Variants in SUMO2 observed in about 807,000 individuals in gnomAD.
The protein encoded by SUMO2 is small ubiquitin like modifier 2.
SUMO2 carries 1 observed loss-of-function variant against 16.0 expected under a neutral mutation model. The ratio of observed to expected loss-of-function variants is 0.06; its 90% CI spans 0.02 to 0.30. SUMO2 has a LOEUF of 0.30. Ranked by LOEUF, SUMO2 falls within the 10% of genes least tolerant of loss-of-function variation. The probability of loss-of-function intolerance (pLI) is 1.00; values close to 1 mark genes in which losing one functional copy is unlikely to be tolerated. For missense variants in SUMO2, 16 were observed against 117.5 expected (o/e 0.14, Z 3.99); for synonymous variants, 36 against 40.6 (o/e 0.89, Z 0.43).
chr17:75,180,916 G>A, intron 2 of SUMO2, 141 bp downstream of exon 2: 1 of 893,002 alleles, frequency 1.1e-6, no homozygotes, highest in Non-Finnish European at 1.7e-6. Context: ...TATACCAAGT[G>A]CACGACAAAA....
chr17:75,177,011 C>T (rs1391045139), intron 2 of SUMO2, among the ~76,000 whole-genome samples: 4 of 151,652 alleles, frequency 2.6e-5, no homozygotes, highest in Non-Finnish European at 5.9e-5. Context: ...GGTGAAACCC[C>T]GTCTCTACTA....
chr17:75,169,188 C>T (rs2074715801), intron 3 of SUMO2, among the ~76,000 whole-genome samples: 1 of 151,790 alleles, frequency 6.6e-6, no homozygotes, highest in African/African-American at 2.4e-5. Flanking sequence ...ACTGAGACCA[C>T]ACCAGCTCAC....
At chr17:75,175,383 C>T (rs139448595) in intron 2 of SUMO2, among the ~76,000 whole-genome samples, 28 of 151,864 alleles carry the variant, frequency 1.8e-4, no homozygotes, top group African/African-American at 6.5e-4. Flanking sequence ...GGCAGTGTCG[C>T]GATCTCGGCT....
At chr17:75,181,352 A>C (rs1174014397) in intron 1 of SUMO2, among the ~76,000 whole-genome samples, 164 bp from the exon 2 acceptor site, 1 of 152,172 alleles carries the variant, frequency 6.6e-6, no homozygotes, top group Non-Finnish European at 1.5e-5. Context: ...GTGAAAGCGG[A>C]AAAATCCTGC....
chr17:75,181,049 T>C lies in SUMO2; in HGVS notation c.153+8A>G, dbSNP rs548708649. ...TATTCAGTGGAAGTACACATATGAA[T>C]TCCTCACCTGTCGTTCACAATAGGC... is the stretch of plus-strand genomic sequence containing the variant. On this transcript the variant is annotated splice_region_variant and intron_variant, in intron 2 of 3. Transcript: ENST00000420826. 107 of 1,613,704 alleles carry C rather than the reference T, an allele frequency of 6.6e-5. No individual in the cohort carries two copies. In the Admixed American group the frequency reaches 9.3e-4, roughly 14 times the overall value.
intron 3 of SUMO2, among the ~76,000 whole-genome samples, chr17:75,172,234 C>T (rs2074745599): frequency 6.6e-6 from 1 of 151,540 alleles, no homozygotes; most frequent in Non-Finnish European, 1.5e-5. Context: ...CCATGTTGGC[C>T]AGGCTGGTCT....
At chr17:75,174,304 T>C (rs1460190844) in intron 3 of SUMO2, among the ~76,000 whole-genome samples, 1 of 152,116 alleles carries the variant, frequency 6.6e-6, no homozygotes, top group Non-Finnish European at 1.5e-5. Flanking sequence ...GGCAGGAGAA[T>C]TGCTTAAGCA....
At chr17:75,171,585 T>C (rs2074739197) in intron 3 of SUMO2, among the ~76,000 whole-genome samples, 1 of 152,072 alleles carries the variant, frequency 6.6e-6, no homozygotes, top group African/African-American at 2.4e-5. Flanking sequence ...ATCACAATCC[T>C]GCTATCTAAC....
At chr17:75,179,851 G>A (rs1403226500) in intron 2 of SUMO2, among the ~76,000 whole-genome samples, 1 of 151,938 alleles carries the variant, frequency 6.6e-6, no homozygotes, top group Non-Finnish European at 1.5e-5. Flanking sequence ...AGTAGAAATG[G>A]GATTTTGCCA....
chr17:75,180,941 G>T, intron 2 of SUMO2, 116 bp downstream of exon 2: 1 of 1,186,568 alleles, frequency 8.4e-7, no homozygotes, highest in Non-Finnish European at 1.2e-6. Context: ...CGTGCCAAGT[G>T]CATATTCATC....
intron 1 of SUMO2, among the ~76,000 whole-genome samples, chr17:75,181,961 G>A (rs1403027589): frequency 3.3e-5 from 5 of 152,142 alleles, no homozygotes; most frequent in Admixed American, 3.3e-4. Flanking sequence ...GCTCCAGAAA[G>A]TAAAGGCGCG....
chr17:75,180,292 C>G (rs1031862846), intron 2 of SUMO2, among the ~76,000 whole-genome samples: 69 of 147,558 alleles, frequency 4.7e-4, no homozygotes, highest in Non-Finnish European at 3.1e-4. Context: ...CCAGCCTGGG[C>G]AACAGAGCAA....
At position 75,175,925 on chromosome 17, in the gene SUMO2, G is replaced by A. The variant is rs1451200727; in HGVS notation, c.154-1102C>T. Among the ~76,000 whole-genome samples the A allele has an allele frequency of 5.9e-5, 9 of 152,066 alleles. No individual in the cohort carries two copies. The East Asian group carries it at 1.2e-3, about 20-fold the overall frequency. On this transcript the variant is annotated intron_variant, in intron 2 of 3. Transcript: ENST00000420826. ...TGGGATTACAGGTGTGAGCCACTGC[G>A]CCCAGCCAGTAAGTCATTCTTTTAG...
intron 2 of SUMO2, among the ~76,000 whole-genome samples, chr17:75,180,494 C>T (rs2074821127): frequency 6.7e-6 from 1 of 149,226 alleles, no homozygotes; most frequent in African/African-American, 2.5e-5. Flanking sequence ...GGGCGGATCA[C>T]CTGAGGTCAG....
chr17:75,173,668 G>A (rs1278138935), intron 3 of SUMO2, among the ~76,000 whole-genome samples: 1 of 151,806 alleles, frequency 6.6e-6, no homozygotes, highest in Non-Finnish European at 1.5e-5. Flanking sequence ...GTAAAGAGAG[G>A]GTTTTGCCAT....
At chr17:75,172,681 G>T (rs2074750864) in intron 3 of SUMO2, among the ~76,000 whole-genome samples, 1 of 151,822 alleles carries the variant, frequency 6.6e-6, no homozygotes, top group Non-Finnish European at 1.5e-5. Context: ...CTCCATGTTG[G>T]TCGGAGTGGT....
chr17:75,178,919 C>A (rs1472850045), intron 2 of SUMO2, among the ~76,000 whole-genome samples: 1 of 152,112 alleles, frequency 6.6e-6, no homozygotes, highest in Admixed American at 6.6e-5. Context: ...TGCGCCACTG[C>A]ACTCTAGCCT....
In SUMO2 at chr17:75,181,072, G is replaced by C. The variant is rs188752709; in HGVS notation, c.138C>G (p.Ala46=). ...AATTCCTCACCTGTCGTTCACAATAGGCTTTCATTAGTTTACTAAGTGGTG... is the reference window on the plus strand; with the variant it reads ...AATTCCTCACCTGTCGTTCACAATACGCTTTCATTAGTTTACTAAGTGGTG... ...RHTPLSKLMK[A]YCERQGLSMR... is the part of the protein sequence containing the mutation. Residue 46 remains alanine, a synonymous_variant, in exon 2 of 4, where the codon GCC becomes GCG. Transcript: ENST00000420826. The C allele has an allele frequency of 2.2e-4, 356 of 1,614,000 alleles. 2 individuals carry two copies. The African/African-American group carries it at 4.2e-3, about 19-fold the overall frequency.
intron 2 of SUMO2, among the ~76,000 whole-genome samples, chr17:75,180,393 A>T (rs11870102): frequency 0.011 from 93 of 8,666 alleles, no homozygotes; most frequent in African/African-American, 0.049. Flanking sequence ...CTCCCAGCTT[A>T]AAAAAAAAAA....
Sources: allele counts gnomAD v4.1 joint callset (sites outside exome capture counted in the v4.1 genomes callset), GRCh38; gene constraint gnomAD v4.1.1; transcripts MANE v1.5; gene names NCBI Gene and HGNC (gene_info 2026-07-23, HGNC 2026-07-21).